FAM20C: variants seen among roughly 807,000 people sequenced by gnomAD.
The protein encoded by FAM20C is extracellular serine/threonine protein kinase FAM20C.
In FAM20C, 40 loss-of-function variants were observed where a neutral mutation model predicts 51.5. That is an observed-to-expected ratio of 0.78 (90% CI 0.60 to 1.01). The LOEUF (loss-of-function observed/expected upper bound fraction) is 1.01, where lower values mean the gene tolerates loss of function less well. Among genes scored for constraint, FAM20C ranks in the 50% least tolerant of loss-of-function variants. The probability of loss-of-function intolerance (pLI) is 0.00; values close to 1 mark genes in which losing one functional copy is unlikely to be tolerated. For synonymous variants in FAM20C, 406 were observed against 380.6 expected (o/e 1.07, Z -0.78); for missense variants, 861 against 844.7 (o/e 1.02, Z -0.24).
intron 3 of FAM20C, among the ~76,000 whole-genome samples, chr7:212,749 C>G (rs1463023326): frequency 6.6e-6 from 1 of 152,148 alleles, no homozygotes; most frequent in African/African-American, 2.4e-5. Context: ...CTCCTGGGTG[C>G]TTTTGCTTTA....
intron 3 of FAM20C, among the ~76,000 whole-genome samples, chr7:209,778 T>C (rs1224283253): frequency 6.6e-6 from 1 of 152,258 alleles, no homozygotes; most frequent in Non-Finnish European, 1.5e-5. Context: ...TTTTTTTTCC[T>C]GTTTTAATCT....
At chr7:252,996 G>A (rs902489131) in intron 5 of FAM20C, among the ~76,000 whole-genome samples, 6 of 152,270 alleles carry the variant, frequency 3.9e-5, no homozygotes, top group Admixed American at 1.3e-4. Context: ...CAGCAGCTCC[G>A]GAAGCCACTC....
intron 3 of FAM20C, among the ~76,000 whole-genome samples, chr7:242,931 CAGT>C (rs1787994989): frequency 2.0e-5 from 3 of 152,158 alleles, no homozygotes; most frequent in Admixed American, 2.0e-4. Context: ...CCCCCCAAGA[CAGT>C]ACCTACAAGA....
chr7:234,631 C>T (rs1020155170), intron 3 of FAM20C, among the ~76,000 whole-genome samples: 1 of 152,210 alleles, frequency 6.6e-6, no homozygotes, highest in Non-Finnish European at 1.5e-5. Context: ...GGGGCATCCC[C>T]GGGCCCTGTG....
chr7:220,723 A>C (rs920820416), intron 3 of FAM20C, among the ~76,000 whole-genome samples: 1 of 152,098 alleles, frequency 6.6e-6, no homozygotes, highest in African/African-American at 2.4e-5. Flanking sequence ...GGCCGGAGGG[A>C]GGGCGGGACC....
chr7:210,154 T>G (rs967163351), intron 3 of FAM20C, among the ~76,000 whole-genome samples: 3 of 152,230 alleles, frequency 2.0e-5, no homozygotes, highest in African/African-American at 7.2e-5. Context: ...GGCTGAGGGC[T>G]GCTACCAGGG....
At chr7:200,611 TC>T (rs1786084992) in intron 2 of FAM20C, among the ~76,000 whole-genome samples, 1 of 152,176 alleles carries the variant, frequency 6.6e-6, no homozygotes, top group Non-Finnish European at 1.5e-5. Context: ...GCAGACATGG[TC>T]CCCACTGGGG....
intron 2 of FAM20C, among the ~76,000 whole-genome samples, chr7:198,377 G>A (rs1317608588): frequency 6.6e-6 from 1 of 152,078 alleles, no homozygotes; most frequent in Non-Finnish European, 1.5e-5. Context: ...TTATAATCTG[G>A]ACCTGGTATA....
intron 3 of FAM20C, 49 bp downstream of exon 3, chr7:209,025 G>A (rs2115066803): frequency 6.5e-7 from 1 of 1,541,268 alleles, no homozygotes; most frequent in East Asian, 2.4e-5. Context: ...GGAGCTGCAG[G>A]CGAGCAGGCG....
chr7:256,393 T>TC, intron 6 of FAM20C: 1 of 572,832 alleles, frequency 1.7e-6, no homozygotes, highest in Non-Finnish European at 3.1e-6. Context: ...AGGTCCTGTT[T>TC]CCCCACAGAG....
chr7:246,480 C>T lies in FAM20C; in HGVS notation c.929C>T (p.Ala310Val). 1.3e-6 allele frequency: 2 copies of T among 1,536,882 alleles called. No homozygotes were observed. The highest frequency in any genetic ancestry group is 1.2e-5 in the South Asian group (1 of 84,056). Reference sequence around the variant, plus strand: ...TTCTCTGACTACGAGAGGCACAATGCGGAGATTGCTGCCTTCCACCTGGAC... The same window carrying T: ...TTCTCTGACTACGAGAGGCACAATGTGGAGATTGCTGCCTTCCACCTGGAC... ...FYFSDYERHN[A>V]EIAAFHLDRI... Residue 310 changes from alanine (A) to valine (V), a missense_variant, in exon 4 of 10, where the codon GCG becomes GTG. By Grantham distance (64) the Ala-to-Val change is moderately conservative (BLOSUM62 0). Coordinates refer to ENST00000313766, the MANE Select transcript of FAM20C (RefSeq NM_020223.4).
At chr7:220,685 T>C (rs992912452) in intron 3 of FAM20C, among the ~76,000 whole-genome samples, 2 of 152,258 alleles carry the variant, frequency 1.3e-5, no homozygotes, top group Admixed American at 6.5e-5. Context: ...TGCAAGGGCC[T>C]GTGCTGGCCA....
rs1249546558 is a variant in FAM20C at position 258,720 on chromosome 7, G to A, written c.1505+15G>A. On this transcript the variant is annotated intron_variant, in intron 9 of 9. Coordinates refer to ENST00000313766, the MANE Select transcript of FAM20C (RefSeq NM_020223.4). ...CAGTGCTGCAGGTACAGCCCCTGCC[G>A]GAGCCGGCTCCAGCTCCACCCTCCT... The A allele has an allele frequency of 1.4e-5, 22 of 1,532,152 alleles. No homozygotes were observed. Among genetic ancestry groups the A allele is most frequent in the East Asian group, 2.4e-5 (1 of 40,876 alleles). The allele number at this position is 1,532,152 out of a possible 1,614,324, so 94.9% of individuals were successfully genotyped here.
rs568522678 is a variant in FAM20C, at chr7:207,644, T to C, written c.785-1254T>C. ...CTGTGCCGGCAGGGATGCCCGGCTCTTGTTCGGGCCCGTGATGTTGACGTG... is the reference window on the plus strand; with the variant it reads ...CTGTGCCGGCAGGGATGCCCGGCTCCTGTTCGGGCCCGTGATGTTGACGTG... On this transcript the variant is annotated intron_variant, in intron 2 of 9. Coordinates refer to ENST00000313766, the MANE Select transcript of FAM20C (RefSeq NM_020223.4). Among the ~76,000 whole-genome samples the C allele has an allele frequency of 2.6e-5, 4 of 152,364 alleles. No homozygotes were observed. The South Asian group carries it at 8.3e-4, about 32-fold the overall frequency.
chr7:255,062 C>G (rs1341712281), intron 5 of FAM20C, among the ~76,000 whole-genome samples: 5 of 152,158 alleles, frequency 3.3e-5, no homozygotes, highest in African/African-American at 1.2e-4. Context: ...GCATTCGTGT[C>G]TGAGTTTTTG....
chr7:255,746 A>C, intron 5 of FAM20C, 103 bp from the exon 6 acceptor site: 1 of 1,273,766 alleles, frequency 7.9e-7, no homozygotes, highest in East Asian at 2.5e-5. Context: ...CCTGCCCATG[A>C]GAAGCACCAG....
At chr7:256,823 G>T in intron 7 of FAM20C, 60 bp downstream of exon 7, 5 of 1,460,986 alleles carry the variant, frequency 3.4e-6, no homozygotes, top group Non-Finnish European at 4.6e-6. Context: ...GCGGATGCAC[G>T]CAGGGCTCTG....
At chr7:218,440 G>C (rs965238131) in intron 3 of FAM20C, among the ~76,000 whole-genome samples, 1 of 152,344 alleles carries the variant, frequency 6.6e-6, no homozygotes, top group East Asian at 1.9e-4. Context: ...CCCCTCTGAC[G>C]GGACTGCACG....
rs1320894162 is a variant in FAM20C at position 247,546 on chromosome 7, C to T, written c.957-769C>T. 5.9e-5 allele frequency among the ~76,000 whole-genome samples: 9 copies of T among 152,300 alleles called. No individual in the cohort carries two copies. In the East Asian group the frequency reaches 1.4e-3, roughly 23 times the overall value. Reference sequence around the variant, plus strand: ...TTAACAAGATCCCTAGTGACGCGGGCGTACATTGGAGTTTAAAGGGCTTTT... The same window carrying T: ...TTAACAAGATCCCTAGTGACGCGGGTGTACATTGGAGTTTAAAGGGCTTTT... On this transcript the variant is annotated intron_variant, in intron 4 of 9. Transcript: ENST00000313766.
Sources: allele counts gnomAD v4.1 joint callset (sites outside exome capture counted in the v4.1 genomes callset), GRCh38; gene constraint gnomAD v4.1.1; transcripts MANE v1.5; gene names NCBI Gene and HGNC (gene_info 2026-07-23, HGNC 2026-07-21).